The following EYA4 variants were observed in gnomAD, a reference collection of about 807,000 sequenced individuals.
EYA4 encodes the protein EYA transcriptional coactivator and phosphatase 4, also known as protein phosphatase EYA4.
In EYA4, 31 loss-of-function variants were observed where a neutral mutation model predicts 87.9. That is an observed-to-expected ratio of 0.35 (90% confidence interval 0.27 to 0.48). The LOEUF (loss-of-function observed/expected upper bound fraction) is 0.48, where lower values mean the gene tolerates loss of function less well. EYA4 is among the 20% of genes least tolerant of loss of function. The pLI, the probability that EYA4 is intolerant of heterozygous loss-of-function variation, is 0.99. For missense variants in EYA4, 678 were observed against 761.4 expected, an observed-to-expected ratio of 0.89 and a Z score of 1.29; for synonymous variants, 263 against 270.6, an observed-to-expected ratio of 0.97 and a Z score of 0.28.
At chr6:133,390,706 A>G (rs994968046) in intron 3 of EYA4, among the ~76,000 whole-genome samples, 1 of 152,220 alleles carries the variant, frequency 6.6e-6, no homozygotes, top group Non-Finnish European at 1.5e-5. Flanking sequence ...TCCTACATGT[A>G]TCATAGAGTA....
intron 13 of EYA4, among the ~76,000 whole-genome samples, chr6:133,483,681 T>A (rs1346412945): frequency 7.6e-6 from 1 of 131,316 alleles, no homozygotes; most frequent in Non-Finnish European, 1.5e-5. Context: ...TTTTCTCTTT[T>A]ATTTATTTAT....
chr6:133,432,709 A>C (rs1791296753), intron 3 of EYA4, among the ~76,000 whole-genome samples: 1 of 151,360 alleles, frequency 6.6e-6, no homozygotes, highest in Non-Finnish European at 1.5e-5. Flanking sequence ...TCAAGGTTTT[A>C]TTTTTGTTTG....
chr6:133,434,368 C>A (rs1477812504), intron 3 of EYA4, among the ~76,000 whole-genome samples: 1 of 152,200 alleles, frequency 6.6e-6, no homozygotes, highest in South Asian at 2.1e-4. Context: ...CTTGACACTA[C>A]AAGTTTTCAA....
intron 2 of EYA4, among the ~76,000 whole-genome samples, chr6:133,317,742 T>C (rs758819132): frequency 2.8e-4 from 42 of 152,128 alleles, no homozygotes; most frequent in Non-Finnish European, 5.0e-4. Context: ...TATCTGAATT[T>C]CTATATGATC....
At chr6:133,455,561 A>C (rs1310646428) in intron 5 of EYA4, among the ~76,000 whole-genome samples, 1 of 152,124 alleles carries the variant, frequency 6.6e-6, no homozygotes, top group Non-Finnish European at 1.5e-5. Flanking sequence ...GACTTGTGTG[A>C]TTGGTGGGTA....
At chr6:133,468,882 T>G in intron 11 of EYA4, 151 bp downstream of exon 11, 1 of 778,540 alleles carries the variant, frequency 1.3e-6, no homozygotes, top group South Asian at 1.5e-5. Flanking sequence ...AAGACGAGGC[T>G]CTTCTGGCAT....
intron 1 of EYA4, among the ~76,000 whole-genome samples, chr6:133,266,184 A>T (rs991023421): frequency 6.6e-6 from 1 of 152,220 alleles, no homozygotes; most frequent in African/African-American, 2.4e-5. Context: ...ATTTTACTGG[A>T]TTAGGATGGG....
chr6:133,473,841 G>A (rs985211982), intron 11 of EYA4, among the ~76,000 whole-genome samples: 4 of 151,862 alleles, frequency 2.6e-5, no homozygotes, highest in South Asian at 4.1e-4. Context: ...GGTGGAACTC[G>A]TTCTTGGGGT....
At chr6:133,384,445 C>T (rs1201501550) in intron 3 of EYA4, among the ~76,000 whole-genome samples, 5 of 152,124 alleles carry the variant, frequency 3.3e-5, no homozygotes, top group Non-Finnish European at 7.4e-5. Flanking sequence ...TTAAAGTTTC[C>T]TAATCTGTAA....
intron 17 of EYA4, among the ~76,000 whole-genome samples, chr6:133,519,415 G>A (rs1386857217): frequency 2.1e-5 from 3 of 141,308 alleles, no homozygotes; most frequent in Middle Eastern, 3.8e-3. Flanking sequence ...TACATTCCTC[G>A]ACACATACAC....
intron 2 of EYA4, among the ~76,000 whole-genome samples, chr6:133,335,358 A>T (rs1782286149): frequency 6.6e-6 from 1 of 152,214 alleles, no homozygotes; most frequent in Non-Finnish European, 1.5e-5. Context: ...TCCTAAACAT[A>T]AGTGAAAATA....
chr6:133,494,667 G>C (rs1797472074), intron 13 of EYA4, among the ~76,000 whole-genome samples: 1 of 130,338 alleles, frequency 7.7e-6, no homozygotes. Context: ...GTGAGACCCT[G>C]CCTCTACAAA....
chr6:133,262,927 C>T (rs1027678429), intron 1 of EYA4, among the ~76,000 whole-genome samples: 10 of 152,124 alleles, frequency 6.6e-5, no homozygotes, highest in South Asian at 2.1e-4. Context: ...TTCTTTTCTA[C>T]GGCCAGGGAG....
At chr6:133,507,334 C>T (rs1798729409) in intron 14 of EYA4, 1 of 151,746 alleles carries the variant, frequency 6.6e-6, no homozygotes, top group Non-Finnish European at 1.5e-5. Flanking sequence ...GAAAATTTTA[C>T]AAGTGTGTGA....
Position 133,529,761 on chromosome 6 carries a change from C to T in EYA4, c.*956C>T. 6.1e-6 allele frequency: 6 copies of T among 985,090 alleles called. No homozygotes were observed. Among genetic ancestry groups the T allele is most frequent in the Non-Finnish European group, 7.2e-6 (6 of 829,656 alleles). 61.0% of individuals were successfully genotyped at this position (985,090 alleles called of 1,614,324 possible). On this transcript the variant is annotated 3_prime_UTR_variant, in exon 20 of 20. Coordinates refer to ENST00000355286, the MANE Select transcript of EYA4 (RefSeq NM_004100.5). Reference sequence around the variant, plus strand: ...GAAGGTTTGGGAAAGACTGTGGGACCTTTACTTAGAAAGTGAAATGTATGT... The same window carrying T: ...GAAGGTTTGGGAAAGACTGTGGGACTTTTACTTAGAAAGTGAAATGTATGT...
chr6:133,527,615 C>G (rs1424071419), intron 19 of EYA4, among the ~76,000 whole-genome samples: 1 of 152,052 alleles, frequency 6.6e-6, no homozygotes, highest in African/African-American at 2.4e-5. Context: ...TGTCCTAAGT[C>G]TTTGAAATTC....
chr6:133,473,949 G>T (rs1358064283), intron 11 of EYA4, among the ~76,000 whole-genome samples: 1 of 151,966 alleles, frequency 6.6e-6, no homozygotes, highest in East Asian at 1.9e-4. Context: ...TACTTGTGTT[G>T]CATCAAGGAT....
At chr6:133,473,162 T>C (rs903942240) in intron 11 of EYA4, among the ~76,000 whole-genome samples, 2 of 152,120 alleles carry the variant, frequency 1.3e-5, no homozygotes, top group Non-Finnish European at 2.9e-5. Context: ...TCTCTACTTC[T>C]TTCTTATTCA....
At chr6:133,482,125 A>G (rs1183353141) in intron 12 of EYA4, among the ~76,000 whole-genome samples, 1 of 152,254 alleles carries the variant, frequency 6.6e-6, no homozygotes, top group Non-Finnish European at 1.5e-5. Context: ...ATATATCTGT[A>G]CTAAGCAGGG....
Sources: allele counts gnomAD v4.1 joint callset (sites outside exome capture counted in the v4.1 genomes callset), GRCh38; gene constraint gnomAD v4.1.1; transcripts MANE v1.5; gene names NCBI Gene and HGNC (gene_info 2026-07-23, HGNC 2026-07-21).